Variants in PDZD2 observed in about 807,000 individuals in gnomAD.
PDZD2 encodes the protein PDZ domain-containing protein 2.
In PDZD2, 90 loss-of-function variants were observed where a neutral mutation model predicts 220.7. The ratio of observed to expected loss-of-function variants is 0.41; its 90% CI spans 0.34 to 0.49. PDZD2 has a LOEUF of 0.49. Ranked by LOEUF, PDZD2 falls within the 20% of genes least tolerant of loss-of-function variation. The pLI, the probability that PDZD2 is intolerant of heterozygous loss-of-function variation, is 0.28. For missense variants in PDZD2, 3,174 were observed against 3,608.5 expected, an observed-to-expected ratio of 0.88 and a Z score of 3.08; for synonymous variants, 1,375 against 1,450.5, an observed-to-expected ratio of 0.95 and a Z score of 1.18.
At chr5:31,878,960 A>T (rs191521137) in intron 2 of PDZD2, among the ~76,000 whole-genome samples, 22 of 152,268 alleles carry the variant, frequency 1.4e-4, no homozygotes, top group Non-Finnish European at 3.1e-4. Flanking sequence ...AACTGCATAG[A>T]CACGGCACTG....
chr5:31,981,044 C>T (rs544855623), intron 2 of PDZD2, among the ~76,000 whole-genome samples: 1 of 152,148 alleles, frequency 6.6e-6, no homozygotes, highest in Non-Finnish European at 1.5e-5. Context: ...CCTCGGCCTC[C>T]CAAAATGCAA....
intron 6 of PDZD2, among the ~76,000 whole-genome samples, chr5:32,019,401 C>T (rs1311409297): frequency 6.6e-6 from 1 of 152,202 alleles, no homozygotes; most frequent in African/African-American, 2.4e-5. Context: ...GTCTCAGCCT[C>T]CCAAAGTACT....
chr5:31,788,734 A>G (rs1753532159), intron 1 of PDZD2, among the ~76,000 whole-genome samples: 1 of 152,174 alleles, frequency 6.6e-6, no homozygotes, highest in South Asian at 2.1e-4. Context: ...GACTTAAGGG[A>G]GTCTCAGTAG....
chr5:31,713,432 C>A (rs1748247565), intron 1 of PDZD2, among the ~76,000 whole-genome samples: 1 of 152,222 alleles, frequency 6.6e-6, no homozygotes, highest in African/African-American at 2.4e-5. Context: ...AGTTAGGCTG[C>A]TTGATCATTG....
intron 2 of PDZD2, chr5:31,840,417 TATATATATATATATATATATATATATATA>T (rs1757208346): frequency 2.1e-4 from 21 of 99,706 alleles, no homozygotes; most frequent in Admixed American, 9.8e-4. Flanking sequence ...TATATATATA[TATATATATATATATATATATATATATATA>T]TATTTGTTTA....
intron 2 of PDZD2, among the ~76,000 whole-genome samples, chr5:31,982,633 A>G (rs1750386763): frequency 6.6e-6 from 1 of 152,040 alleles, no homozygotes. Flanking sequence ...ACCAGTCATT[A>G]CCTGTTACCC....
chr5:31,913,005 G>C (rs187659812), intron 2 of PDZD2, among the ~76,000 whole-genome samples: 2 of 152,306 alleles, frequency 1.3e-5, no homozygotes, highest in Non-Finnish European at 2.9e-5. Context: ...AGTTGCCTTT[G>C]AGAAAAGCAT....
At chr5:31,789,635 TA>T (rs1266594405) in intron 1 of PDZD2, among the ~76,000 whole-genome samples, 8 of 152,202 alleles carry the variant, frequency 5.3e-5, no homozygotes, top group African/African-American at 1.9e-4. Context: ...ATAAGTACAA[TA>T]AAAACTTCCG....
At chr5:31,764,704 A>G (rs1242410773) in intron 1 of PDZD2, among the ~76,000 whole-genome samples, 1 of 151,998 alleles carries the variant, frequency 6.6e-6, no homozygotes, top group African/African-American at 2.4e-5. Flanking sequence ...CCCGTTTTTC[A>G]TCATGTGTTC....
intron 10 of PDZD2, among the ~76,000 whole-genome samples, chr5:32,056,861 G>A (rs1313059696): frequency 3.9e-5 from 6 of 152,178 alleles, no homozygotes; most frequent in African/African-American, 1.2e-4. Flanking sequence ...AAGCCGAGGC[G>A]GGCAGATCAC....
At chr5:32,097,211 GA>G (rs1743803139) in intron 21 of PDZD2, 67 bp from the exon 22 acceptor site, 2 of 980,616 alleles carry the variant, frequency 2.0e-6, no homozygotes, top group Admixed American at 3.4e-5. Context: ...GGCCCAAGGG[GA>G]TATGTTTTTC....
chr5:31,919,449 C>T (rs991971076), intron 2 of PDZD2, among the ~76,000 whole-genome samples: 8 of 151,646 alleles, frequency 5.3e-5, no homozygotes, highest in East Asian at 1.9e-4. Flanking sequence ...CAGGTTCAAG[C>T]GATTCTCCTG....
chr5:31,947,827 G>T (rs943953422), intron 2 of PDZD2, among the ~76,000 whole-genome samples: 2 of 151,894 alleles, frequency 1.3e-5, no homozygotes, highest in South Asian at 2.1e-4. Flanking sequence ...TGCGTCTGTT[G>T]GTGGGGGGTG....
At position 31,799,000 on chromosome 5, in the gene PDZD2, A is replaced by C; in HGVS notation, c.-249A>C. 7 of 488,686 alleles carry C rather than the reference A, an allele frequency of 1.4e-5. No individual in the cohort carries two copies. The highest frequency in any genetic ancestry group is 1.1e-5 in the Non-Finnish European group (3 of 275,616). 30.3% of individuals were successfully genotyped at this position (488,686 alleles called of 1,614,324 possible). A position where few individuals can be genotyped will look rare whatever the true frequency, so the allele number is the denominator to read the frequency against. ...TGAACCTGGCAGGGACTTGTTAGAC[A>C]CTTCCTTCCTTCCCTCATTGAGCAC... On this transcript the variant is annotated 5_prime_UTR_variant, in exon 2 of 25. Transcript: ENST00000438447.
intron 19 of PDZD2, among the ~76,000 whole-genome samples, chr5:32,086,241 A>G (rs1350850072): frequency 6.6e-6 from 1 of 152,138 alleles, no homozygotes; most frequent in Admixed American, 6.6e-5. Context: ...CATCATTCAC[A>G]TCCCCCAGTG....
intron 7 of PDZD2, among the ~76,000 whole-genome samples, chr5:32,042,646 G>A (rs1756295125): frequency 6.6e-6 from 1 of 152,162 alleles, no homozygotes; most frequent in Non-Finnish European, 1.5e-5. Context: ...ATAATTAGGC[G>A]GTGTTACGCT....
At chr5:31,941,644 C>A (rs2150403183) in intron 2 of PDZD2, among the ~76,000 whole-genome samples, 1 of 152,248 alleles carries the variant, frequency 6.6e-6, no homozygotes, top group Non-Finnish European at 1.5e-5. Flanking sequence ...GACAACTTGG[C>A]GTTTGAGGAT....
At position 31,916,320 on chromosome 5, in the gene PDZD2, C is replaced by T. The variant is rs1054206925; in HGVS notation, c.477-66835C>T. Among the ~76,000 whole-genome samples the T allele has an allele frequency of 2.6e-5, 4 of 152,354 alleles. No individual in the cohort carries two copies. The South Asian group carries it at 8.3e-4, about 32-fold the overall frequency. ...CTGTATCCAAGGGTTGCCTTCCCTA[C>T]TTCAGTTGCATTGCGTAGAGCAGGC... On this transcript the variant is annotated intron_variant, in intron 2 of 24. Coordinates refer to ENST00000438447, the MANE Select transcript of PDZD2 (RefSeq NM_178140.4).
chr5:31,768,682 A>G (rs937234018), intron 1 of PDZD2, among the ~76,000 whole-genome samples: 1 of 151,058 alleles, frequency 6.6e-6, no homozygotes, highest in African/African-American at 2.4e-5. Context: ...TCAGGACTTC[A>G]GCAGTGATGA....
Sources: allele counts gnomAD v4.1 joint callset (sites outside exome capture counted in the v4.1 genomes callset), GRCh38; gene constraint gnomAD v4.1.1; transcripts MANE v1.5; gene names NCBI Gene and HGNC (gene_info 2026-07-23, HGNC 2026-07-21).